BTD: variants seen among roughly 807,000 people sequenced by gnomAD.
The protein encoded by BTD is biocytinase.
BTD carries 13 observed loss-of-function variants against 17.7 expected under a neutral mutation model. That is an observed-to-expected ratio of 0.74 (90% CI 0.48 to 1.17). The LOEUF (loss-of-function observed/expected upper bound fraction) is 1.17. Among genes scored for constraint, BTD ranks in the 50% most tolerant of loss-of-function variants. The probability of loss-of-function intolerance (pLI) is 0.00; values close to 1 mark genes in which losing one functional copy is unlikely to be tolerated. For synonymous variants in BTD, 240 were observed against 245.2 expected, an observed-to-expected ratio of 0.98 and a Z score of 0.20; for missense variants, 674 against 650.4, an observed-to-expected ratio of 1.04 and a Z score of -0.39.
exon 4 of BTD, chr3:15,712,323 G>A: frequency 2.2e-6 from 2 of 908,796 alleles, no homozygotes; most frequent in South Asian, 1.6e-5. Context: ...AGATAACTAA[G>A]AGCCAAAATG....
exon 4 of BTD, chr3:15,711,338 T>G (rs1342924523): frequency 7.3e-7 from 1 of 1,373,020 alleles, no homozygotes; most frequent in East Asian, 2.3e-5. Flanking sequence ...AATTGTGTCA[T>G]GAAACATCAA....
intron 1 of BTD, among the ~76,000 whole-genome samples, chr3:15,608,681 A>G (rs2064528243): frequency 6.6e-6 from 1 of 151,572 alleles, no homozygotes. Flanking sequence ...CAGGAGAACC[A>G]CTTGAACCCA....
chr3:15,662,837 C>A (rs9865333), intron 3 of BTD, among the ~76,000 whole-genome samples: 92,594 of 143,774 alleles, frequency 0.64, 30,277 homozygotes, highest in East Asian at 0.77. Flanking sequence ...GTTTCATCAT[C>A]TTGCCCAGGC....
At chr3:15,688,830 T>C (rs1020602953) in intron 3 of BTD, among the ~76,000 whole-genome samples, 1 of 152,194 alleles carries the variant, frequency 6.6e-6, no homozygotes, top group Non-Finnish European at 1.5e-5. Context: ...AATATCACAA[T>C]ATGGAATAGT....
intron 3 of BTD, 28 bp downstream of exon 3, chr3:15,642,085 C>T: frequency 6.2e-7 from 1 of 1,613,268 alleles, no homozygotes; most frequent in Non-Finnish European, 8.5e-7. Context: ...CCTCAGTAGG[C>T]TGAGGGTACA....
intron 2 of BTD, among the ~76,000 whole-genome samples, chr3:15,636,179 A>T (rs913606726): frequency 6.6e-6 from 1 of 152,102 alleles, no homozygotes; most frequent in African/African-American, 2.4e-5. Context: ...TTTGAAGATG[A>T]CTGGGCGTGA....
chr3:15,701,150 C>T (rs1264658828), intron 3 of BTD, among the ~76,000 whole-genome samples: 1 of 152,160 alleles, frequency 6.6e-6, no homozygotes, highest in East Asian at 1.9e-4. Flanking sequence ...AACTCTAGCT[C>T]ACAAATATAT....
intron 1 of BTD, 124 bp downstream of exon 1, chr3:15,602,018 C>G: frequency 2.7e-6 from 4 of 1,504,516 alleles, no homozygotes; most frequent in African/African-American, 1.4e-5. Context: ...CTGGGAAGCC[C>G]GGCGCGCGTC....
At chr3:15,675,994 G>T in intron 3 of BTD, 5 of 1,609,556 alleles carry the variant, frequency 3.1e-6, no homozygotes, top group Non-Finnish European at 4.2e-6. Context: ...AGAGGTCTAG[G>T]GGAAAAAACA....
intron 3 of BTD, chr3:15,686,106 G>T: frequency 1.2e-6 from 2 of 1,613,008 alleles, no homozygotes; most frequent in Non-Finnish European, 1.7e-6. Flanking sequence ...AGAACAGATA[G>T]CATCAGAGGC....
At chr3:15,607,180 T>C (rs1157336221) in intron 1 of BTD, among the ~76,000 whole-genome samples, 9 of 152,184 alleles carry the variant, frequency 5.9e-5, no homozygotes, top group Non-Finnish European at 1.3e-4. Context: ...TAAAATTTTA[T>C]TTGTTGGATA....
At chr3:15,696,059 A>C in intron 3 of BTD, 1 of 1,018,034 alleles carries the variant, frequency 9.8e-7, no homozygotes, top group Non-Finnish European at 1.5e-6. Context: ...TCCTTGATCC[A>C]TTTATTCTCA....
intron 3 of BTD, among the ~76,000 whole-genome samples, chr3:15,666,478 T>G (rs1183658736): frequency 2.0e-5 from 3 of 152,238 alleles, no homozygotes; most frequent in South Asian, 4.1e-4. Flanking sequence ...GGTTAAGAGA[T>G]AATTTATTTC....
chr3:15,712,043 C>T (rs2072362757), exon 4 of BTD: 9 of 909,240 alleles, frequency 9.9e-6, no homozygotes, highest in East Asian at 2.6e-5. Context: ...CCATACTGGA[C>T]CCATCTGCAT....
At chr3:15,677,166 T>A in intron 3 of BTD, 1 of 840,452 alleles carries the variant, frequency 1.2e-6, no homozygotes, top group African/African-American at 1.7e-5. Flanking sequence ...ACCATACATA[T>A]ACCATGAATT....
rs1361214606 is a variant in BTD, at chr3:15,642,063, T to G, written c.399+6T>G. On this transcript the variant is annotated splice_donor_region_variant and intron_variant, in intron 3 of 3. Coordinates refer to ENST00000643237, the MANE Select transcript of BTD (RefSeq NM_001370658.1). ...ACCGCTTCAATGACACAGAGGTGAT[T>G]CCTGCCTTTTTCCTCAGTAGGCTGA... 1 of 1,614,074 alleles carries G rather than the reference T, an allele frequency of 6.2e-7. No individual in the cohort carries two copies. The highest frequency in any genetic ancestry group is 1.7e-5 in the Admixed American group (1 of 60,018).
chr3:15,700,320 T>G (rs1056268217), intron 3 of BTD, among the ~76,000 whole-genome samples: 1 of 152,024 alleles, frequency 6.6e-6, no homozygotes, highest in Non-Finnish European at 1.5e-5. Context: ...GGGGGAGGGA[T>G]AGCATTAGGA....
At chr3:15,706,382 T>G (rs1174996734) in intron 3 of BTD, among the ~76,000 whole-genome samples, 1 of 151,318 alleles carries the variant, frequency 6.6e-6, no homozygotes, top group Non-Finnish European at 1.5e-5. Flanking sequence ...AGAATGATGT[T>G]TCCAGCTTCA....
At chr3:15,718,267 T>C (rs1000515674) in intron 4 of BTD, among the ~76,000 whole-genome samples, 5 of 152,336 alleles carry the variant, frequency 3.3e-5, no homozygotes, top group Middle Eastern at 3.4e-3. Flanking sequence ...TGAGATGTCA[T>C]ACACCCTTAG....
Sources: gnomAD v4.1 joint callset for allele counts (sites outside exome capture counted in the v4.1 genomes callset) on GRCh38, gnomAD v4.1.1 for gene constraint, MANE v1.5 for transcripts, NCBI Gene and HGNC (gene_info 2026-07-23, HGNC 2026-07-21) for gene names.